SIPA1L1: variants seen among roughly 807,000 people sequenced by gnomAD.
SIPA1L1 encodes signal induced proliferation associated 1 like 1, also known as signal-induced proliferation-associated 1-like protein 1.
A neutral mutation model predicts 162.7 loss-of-function variants in SIPA1L1; 26 were observed. The observed-to-expected ratio is 0.16, with a 90% confidence interval of 0.12 to 0.22. The LOEUF is 0.22. Ranked by LOEUF, SIPA1L1 falls within the 10% of genes least tolerant of loss-of-function variation. The pLI is 1.00. For missense variants in SIPA1L1, 1,874 were observed against 2,241.0 expected (o/e 0.84, Z 3.31); for synonymous variants, 829 against 837.4 (o/e 0.99, Z 0.17).
At chr14:71,367,461 C>T (rs995382095) in intron 2 of SIPA1L1, among the ~76,000 whole-genome samples, 8 of 151,814 alleles carry the variant, frequency 5.3e-5, no homozygotes, top group South Asian at 4.2e-4. Context: ...CGCCCGCCAC[C>T]GCGCCCGGCT....
intron 2 of SIPA1L1, among the ~76,000 whole-genome samples, chr14:71,505,421 C>CTTTTTTTTT: frequency 7.8e-6 from 1 of 128,584 alleles, no homozygotes. Context: ...TCTCTTTCTT[C>CTTTTTTTTT]TTTTTTTTTT....
chr14:71,434,053 C>A (rs1025034747), intron 2 of SIPA1L1, among the ~76,000 whole-genome samples: 3 of 152,158 alleles, frequency 2.0e-5, no homozygotes, highest in Admixed American at 2.0e-4. Context: ...TCAAAGGAAA[C>A]CCTTAGAATT....
intron 2 of SIPA1L1, among the ~76,000 whole-genome samples, chr14:71,370,933 C>G (rs1019215895): frequency 6.6e-6 from 1 of 151,888 alleles, no homozygotes; most frequent in Non-Finnish European, 1.5e-5. Context: ...AGTATCTATT[C>G]TATAGAAAGT....
intron 5 of SIPA1L1, among the ~76,000 whole-genome samples, chr14:71,606,096 C>T (rs1258190004): frequency 6.6e-6 from 1 of 152,164 alleles, no homozygotes; most frequent in Non-Finnish European, 1.5e-5. Context: ...TATCCCCAGA[C>T]CCCTGGAAGA....
rs1181427970 is a variant in SIPA1L1 at position 71,740,102 on chromosome 14, A to G, written c.*941A>G. 6.6e-6 allele frequency: 1 copy of G among 152,224 alleles called. No individual in the cohort carries two copies. The highest frequency in any genetic ancestry group is 1.5e-5 in the Non-Finnish European group (1 of 68,034). The allele number at this position is 152,224 out of a possible 1,614,324, so 9.4% of individuals were successfully genotyped here. ...ACAACTGGTTTTTTTAGCTTGCTGAAAATGACCATATCTCTAAATTAATCT... is the reference window on the plus strand; with the variant it reads ...ACAACTGGTTTTTTTAGCTTGCTGAGAATGACCATATCTCTAAATTAATCT... On this transcript the variant is annotated 3_prime_UTR_variant, in exon 24 of 24. Transcript: ENST00000381232.
At chr14:71,567,700 C>A (rs138246367) in intron 4 of SIPA1L1, among the ~76,000 whole-genome samples, 113 of 147,942 alleles carry the variant, frequency 7.6e-4, no homozygotes, top group African/African-American at 2.7e-3. Flanking sequence ...GTTGCCATGG[C>A]ATTTGTAAAC....
chr14:71,525,149 T>A (rs1337512488), intron 3 of SIPA1L1, among the ~76,000 whole-genome samples: 1 of 151,922 alleles, frequency 6.6e-6, no homozygotes, highest in African/African-American at 2.4e-5. Context: ...AATTTTTGTA[T>A]TTTTTGTAGA....
Position 71,702,426 on chromosome 14 carries a change from C to T in SIPA1L1, c.3567C>T (p.Asn1189=), listed in dbSNP as rs148056915. Residue 1189 remains asparagine, a synonymous_variant, in exon 15 of 24, where the codon AAC becomes AAT. Transcript: ENST00000381232. The part of the protein sequence containing the change: ...RRSPASIDRQ[N]TQSDIGGSGK... ...CCCCAGCCTCCATTGACAGGCAGAA[C>T]ACCCAGTCAGATATTGGTGGCAGCG... is the stretch of plus-strand genomic sequence containing the variant. 3.0e-5 allele frequency: 48 copies of T among 1,614,134 alleles called. No individual in the cohort carries two copies. In the Middle Eastern group the frequency reaches 6.6e-4, roughly 22 times the overall value.
chr14:71,737,617 G>A (rs1225071754), intron 22 of SIPA1L1, among the ~76,000 whole-genome samples: 1 of 152,156 alleles, frequency 6.6e-6, no homozygotes, highest in Non-Finnish European at 1.5e-5. Context: ...TGATTAGCGT[G>A]CCATAAACAA....
chr14:71,473,759 G>C (rs2047645615), intron 2 of SIPA1L1, among the ~76,000 whole-genome samples: 1 of 152,190 alleles, frequency 6.6e-6, no homozygotes, highest in Admixed American at 6.5e-5. Context: ...AAAGTGATGG[G>C]AGAAAAATAA....
intron 2 of SIPA1L1, among the ~76,000 whole-genome samples, chr14:71,435,786 C>CCA (rs1250243456): frequency 1.3e-5 from 2 of 152,188 alleles, no homozygotes; most frequent in African/African-American, 4.8e-5. Flanking sequence ...GTTTACAGTC[C>CCA]CACCAACAGT....
At chr14:71,465,261 G>A (rs2046907167) in intron 2 of SIPA1L1, among the ~76,000 whole-genome samples, 1 of 152,226 alleles carries the variant, frequency 6.6e-6, no homozygotes, top group African/African-American at 2.4e-5. Context: ...CATGATAAGA[G>A]CTTGTGTCTG....
intron 2 of SIPA1L1, among the ~76,000 whole-genome samples, chr14:71,326,676 A>T (rs1205406184): frequency 6.8e-6 from 1 of 146,576 alleles, no homozygotes; most frequent in African/African-American, 2.5e-5. Context: ...CATTTTCTTC[A>T]TATTGTAAAT....
chr14:71,522,697 C>CTT (rs368872105), intron 3 of SIPA1L1, among the ~76,000 whole-genome samples: 17 of 144,064 alleles, frequency 1.2e-4, no homozygotes, highest in Admixed American at 4.9e-4. Context: ...TTCTCTCTCT[C>CTT]TTTTTTTTTT....
chr14:71,378,838 TTA>T (rs1428245497), intron 2 of SIPA1L1, among the ~76,000 whole-genome samples: 2 of 152,212 alleles, frequency 1.3e-5, no homozygotes, highest in African/African-American at 4.8e-5. Flanking sequence ...ATTGTCTCCT[TTA>T]TAATTATGAA....
At chr14:71,507,392 A>G (rs1245368336) in intron 2 of SIPA1L1, among the ~76,000 whole-genome samples, 1 of 152,206 alleles carries the variant, frequency 6.6e-6, no homozygotes, top group Admixed American at 6.5e-5. Flanking sequence ...AGACCTTGAT[A>G]CAGCATTTAC....
chr14:71,582,808 A>G (rs1413756992), intron 4 of SIPA1L1, among the ~76,000 whole-genome samples: 1 of 152,232 alleles, frequency 6.6e-6, no homozygotes, highest in Non-Finnish European at 1.5e-5. Context: ...TGAAGGGAGA[A>G]TACAGAAATG....
At chr14:71,515,672 T>C (rs2051642912) in intron 3 of SIPA1L1, among the ~76,000 whole-genome samples, 1 of 151,908 alleles carries the variant, frequency 6.6e-6, no homozygotes, top group Non-Finnish European at 1.5e-5. Flanking sequence ...TGAGATGGAG[T>C]CTTACTCTGT....
At chr14:71,734,616 T>C (rs942098971) in intron 21 of SIPA1L1, among the ~76,000 whole-genome samples, 1 of 152,224 alleles carries the variant, frequency 6.6e-6, no homozygotes, top group African/African-American at 2.4e-5. Flanking sequence ...GGCCACAGAA[T>C]CTGTACGTCG....
Sources: allele counts gnomAD v4.1 joint callset (sites outside exome capture counted in the v4.1 genomes callset), GRCh38; gene constraint gnomAD v4.1.1; transcripts MANE v1.5; gene names NCBI Gene and HGNC (gene_info 2026-07-23, HGNC 2026-07-21).